Variants in SEC23B observed in about 807,000 individuals in gnomAD.
The protein encoded by SEC23B is protein transport protein Sec23B.
SEC23B carries 77 observed loss-of-function variants against 104.3 expected under a neutral mutation model. The observed-to-expected ratio is 0.74, with a 90% confidence interval of 0.61 to 0.89. The LOEUF (loss-of-function observed/expected upper bound fraction) is 0.89. Among genes scored for constraint, SEC23B ranks in the 40% least tolerant of loss-of-function variants. The pLI is 0.00. For missense variants in SEC23B, 885 were observed against 949.4 expected (o/e 0.93, Z 0.89); for synonymous variants, 338 against 332.5 (o/e 1.02, Z -0.18).
At chr20:18,545,331 G>A (rs1375897001) in intron 14 of SEC23B, among the ~76,000 whole-genome samples, 1 of 152,188 alleles carries the variant, frequency 6.6e-6, no homozygotes, top group East Asian at 1.9e-4. Flanking sequence ...TGATGTATTA[G>A]CAGCTGAAGG....
intron 4 of SEC23B, among the ~76,000 whole-genome samples, chr20:18,518,590 T>TTTTTTTTTG (rs1555787292): frequency 7.4e-6 from 1 of 135,816 alleles, no homozygotes; most frequent in African/African-American, 2.6e-5. Flanking sequence ...AGGTTTTTTT[T>TTTTTTTTTG]TTTTTTTTTT....
chr20:18,560,112 A>G (rs1267993304), intron 19 of SEC23B, among the ~76,000 whole-genome samples: 3 of 151,278 alleles, frequency 2.0e-5, no homozygotes, highest in African/African-American at 7.4e-5. Flanking sequence ...GTGTGTGTAT[A>G]TATATATATA....
At chr20:18,524,387 A>G (rs1262546720) in intron 4 of SEC23B, 46 bp from the exon 5 acceptor site, 1 of 1,402,102 alleles carries the variant, frequency 7.1e-7, no homozygotes, top group Middle Eastern at 1.8e-4. Flanking sequence ...GTGCTGGTTA[A>G]GTCTATTTGT....
At chr20:18,532,803 G>A in intron 11 of SEC23B, 59 bp downstream of exon 11, 1 of 1,263,160 alleles carries the variant, frequency 7.9e-7, no homozygotes, top group Non-Finnish European at 1.2e-6. Flanking sequence ...CGTCAGAAGT[G>A]TCAGAGCATG....
intron 9 of SEC23B, among the ~76,000 whole-genome samples, chr20:18,530,131 G>A (rs1159860088): frequency 6.6e-6 from 1 of 152,172 alleles, no homozygotes; most frequent in Non-Finnish European, 1.5e-5. Flanking sequence ...AACTGTGAGA[G>A]GAATTAGAGC....
At chr20:18,549,645 A>G (rs1021731873) in intron 16 of SEC23B, among the ~76,000 whole-genome samples, 3 of 152,224 alleles carry the variant, frequency 2.0e-5, no homozygotes, top group Non-Finnish European at 4.4e-5. Flanking sequence ...AAAGAACTAT[A>G]TGGAAAAAAA....
In SEC23B at chr20:18,526,403, A is replaced by T; in HGVS notation, c.865A>T (p.Met289Leu). Residue 289 changes from methionine (M) to leucine (L), a missense_variant, in exon 8 of 20, where the codon ATG (methionine) becomes TTG (leucine). By Grantham distance (15) the Met-to-Leu change is conservative (BLOSUM62 2). Transcript: ENST00000650089. ...TTTTCCAAACACAGGAGCCAGGATC[A>T]TGCTGTTTACTGGAGGTCCCCCTAC... ...GTFPNTGARI[M>L]LFTGGPPTQG... 1 of 1,614,236 alleles carries T rather than the reference A, an allele frequency of 6.2e-7. No individual in the cohort carries two copies. Among genetic ancestry groups the T allele is most frequent in the South Asian group, 1.1e-5 (1 of 91,080 alleles).
chr20:18,542,500 T>C (rs2060297061), intron 13 of SEC23B, 98 bp downstream of exon 13: 2 of 1,201,222 alleles, frequency 1.7e-6, no homozygotes, highest in Non-Finnish European at 2.5e-6. Flanking sequence ...TTGATTCCAT[T>C]GAATGGTTCT....
chr20:18,559,174 A>G (rs987986625), intron 19 of SEC23B, among the ~76,000 whole-genome samples: 1 of 151,500 alleles, frequency 6.6e-6, no homozygotes, highest in Non-Finnish European at 1.5e-5. Flanking sequence ...CGGGGTGTCT[A>G]GTGATTTCTT....
In SEC23B at chr20:18,546,015, C is replaced by G; in HGVS notation, c.1725C>G (p.Ser575=). ...EDPTSFRLSD[S]FSLYPQFMFH... ...CCACTTCTTTTAGGTTATCAGATTC[C>G]TTTTCTCTATATCCTCAGGTAAGTA... Residue 575 remains serine, a synonymous_variant, in exon 15 of 20, where the codon TCC becomes TCG. Transcript: ENST00000650089. 6.4e-7 allele frequency: 1 copy of G among 1,562,436 alleles called. No homozygotes were observed. Among genetic ancestry groups the G allele is most frequent in the Non-Finnish European group, 8.8e-7 (1 of 1,133,036 alleles).
intron 17 of SEC23B, among the ~76,000 whole-genome samples, chr20:18,552,551 T>C (rs2060397999): frequency 6.6e-6 from 1 of 152,172 alleles, no homozygotes; most frequent in East Asian, 1.9e-4. Context: ...TGGTAGTTCA[T>C]GCCTGTAATC....
At chr20:18,510,124 A>G (rs188984697) in intron 1 of SEC23B, among the ~76,000 whole-genome samples, 111 of 152,302 alleles carry the variant, frequency 7.3e-4, no homozygotes, top group Admixed American at 5.4e-3. Context: ...TGGAATGTAA[A>G]ATTTAATAGA....
chr20:18,525,978 C>A, intron 7 of SEC23B, 46 bp downstream of exon 7: 1 of 1,580,776 alleles, frequency 6.3e-7, no homozygotes, highest in South Asian at 1.1e-5. Context: ...CAAATGTGCT[C>A]TCAGAAAATA....
chr20:18,547,610 G>A (rs4814760), intron 15 of SEC23B, among the ~76,000 whole-genome samples: 103,390 of 151,830 alleles, frequency 0.68, 36,631 homozygotes, highest in Non-Finnish European at 0.8. Context: ...GTCCTGAGCT[G>A]TCATCTGCTG....
Position 18,560,850 on chromosome 20 carries a change from G to A in SEC23B, c.*110G>A. 1.2e-6 allele frequency: 1 copy of A among 821,920 alleles called. No individual in the cohort carries two copies. Among genetic ancestry groups the A allele is most frequent in the Admixed American group, 1.9e-5 (1 of 53,620 alleles). The allele number at this position is 821,920 out of a possible 1,614,324, so 50.9% of individuals were successfully genotyped here. ...CTAGCAGATTTTAACAAATAATCAAGGACATTTTATATGTAACTCTTTAGA... is the reference window on the plus strand; with the variant it reads ...CTAGCAGATTTTAACAAATAATCAAAGACATTTTATATGTAACTCTTTAGA... On this transcript the variant is annotated 3_prime_UTR_variant, in exon 20 of 20. Transcript: ENST00000650089.
At chr20:18,533,933 C>T (rs1274391879) in intron 11 of SEC23B, among the ~76,000 whole-genome samples, 1 of 152,160 alleles carries the variant, frequency 6.6e-6, no homozygotes, top group Non-Finnish European at 1.5e-5. Context: ...TGAATTAGTA[C>T]AAACTAATTA....
intron 19 of SEC23B, among the ~76,000 whole-genome samples, chr20:18,558,828 C>T (rs1299465587): frequency 6.6e-6 from 1 of 152,122 alleles, no homozygotes; most frequent in Non-Finnish European, 1.5e-5. Context: ...TTTGTAATTG[C>T]TCATGAAGCA....
At chr20:18,526,651 G>C in intron 8 of SEC23B, 120 bp downstream of exon 8, 1 of 1,078,394 alleles carries the variant, frequency 9.3e-7, no homozygotes, top group Non-Finnish European at 1.4e-6. Flanking sequence ...CTGTTTCAGA[G>C]ACAGTTTTCC....
chr20:18,514,297 C>T (rs1368502708), intron 3 of SEC23B, among the ~76,000 whole-genome samples: 1 of 152,160 alleles, frequency 6.6e-6, no homozygotes, highest in Non-Finnish European at 1.5e-5. Flanking sequence ...GTGAACAGGG[C>T]CTCTCCAGGT....
Sources: gnomAD v4.1 joint callset for allele counts (sites outside exome capture counted in the v4.1 genomes callset) on GRCh38, gnomAD v4.1.1 for gene constraint, MANE v1.5 for transcripts, NCBI Gene and HGNC (gene_info 2026-07-23, HGNC 2026-07-21) for gene names.